The following KIAA0408 variants were observed in gnomAD, a reference collection of about 807,000 sequenced individuals.
The protein encoded by KIAA0408 is KIAA0408.
In KIAA0408, 51 loss-of-function variants were observed where a neutral mutation model predicts 60.9. The observed-to-expected ratio is 0.84, with a 90% CI of 0.67 to 1.06. KIAA0408 has a LOEUF of 1.06. KIAA0408 is among the 50% of genes least tolerant of loss of function. KIAA0408 has a pLI of 0.00. For synonymous variants in KIAA0408, 304 were observed against 282.4 expected, an observed-to-expected ratio of 1.08 and a Z score of -0.77; for missense variants, 787 against 833.9, an observed-to-expected ratio of 0.94 and a Z score of 0.69.
intron 1 of KIAA0408, among the ~76,000 whole-genome samples, chr6:127,457,192 C>T (rs1475011325): frequency 6.6e-6 from 1 of 152,066 alleles, no homozygotes; most frequent in Non-Finnish European, 1.5e-5. Flanking sequence ...TTATGTAAAA[C>T]TGCTTTTGTT....
In KIAA0408 at chr6:127,446,503, C is replaced by A; in HGVS notation, c.1816G>T (p.Glu606Ter). ...SGGATLSQHL[E>*]MLQMEQQFQQ... ...AACTGTTGTTCCATTTGGAGCATTTCTAAATGCTGACTTAATGTGGCACCA... is the reference window on the plus strand; with the variant it reads ...AACTGTTGTTCCATTTGGAGCATTTATAAATGCTGACTTAATGTGGCACCA... Residue 606 changes from glutamate (E) to a stop codon, truncating the protein, a stop_gained, in exon 5 of 6, where the codon GAA becomes TAA. Coordinates refer to ENST00000483725, the MANE Select transcript of KIAA0408 (RefSeq NM_014702.5). LOFTEE classifies it high-confidence loss of function. The A allele has an allele frequency of 4.3e-6, 7 of 1,614,128 alleles. No individual in the cohort carries two copies. The highest frequency in any genetic ancestry group is 5.9e-6 in the Non-Finnish European group (7 of 1,180,012).
rs1269914465 is a variant in KIAA0408, at chr6:127,447,030, T to C, written c.1289A>G (p.Glu430Gly). The C allele has an allele frequency of 1.9e-6, 3 of 1,613,470 alleles. No individual in the cohort carries two copies. The highest frequency in any genetic ancestry group is 1.7e-5 in the Admixed American group (1 of 59,938). ...CAGCTTCTCATTCCTTGTAGTCCTT[T>C]CAAAGCCACAACTGAAATTTCTAAG... Reference protein sequence around the residue: ...SPLRNFSCGFERTTRNEKLAA... With the variant: ...SPLRNFSCGFGRTTRNEKLAA... The change falls in exon 5 of 6, where the codon GAA becomes GGA. Residue 430 changes from glutamate to glycine, a missense_variant. Physicochemically the swap from Glu to Gly is moderately conservative, Grantham distance 98 (BLOSUM62 -2). Around this residue, in one of 3 missense-constraint regions of KIAA0408, gnomAD observed 640 missense variants for 681.3 expected, o/e 0.94. Transcript: ENST00000483725.
chr6:127,446,718 C>G lies in KIAA0408; in HGVS notation c.1601G>C (p.Arg534Pro), dbSNP rs779822528. 1.2e-6 allele frequency: 2 copies of G among 1,613,898 alleles called. No homozygotes were observed. The highest frequency in any genetic ancestry group is 2.2e-5 in the East Asian group (1 of 44,864). ...CCAGTCATGCTCGTGGAGCATATTT[C>G]GATAACTGCGAGGACTTAGGTGTCC... is the stretch of plus-strand genomic sequence containing the variant. ...MQGHLSPRSY[R>P]NMLHEHDWRP... Residue 534 changes from arginine to proline, a missense_variant, in exon 5 of 6, where the codon CGA becomes CCA. By Grantham distance (103) the Arg-to-Pro change is moderately radical. Coordinates refer to ENST00000483725, the MANE Select transcript of KIAA0408 (RefSeq NM_014702.5).
At chr6:127,458,823 A>T (rs1047861226) in intron 1 of KIAA0408, among the ~76,000 whole-genome samples, 12 of 152,234 alleles carry the variant, frequency 7.9e-5, no homozygotes, top group Non-Finnish European at 7.3e-5. Context: ...ATGAATAAAA[A>T]AAATCACATT....
In KIAA0408 at chr6:127,439,263, G is replaced by A. The variant is rs1773066910; in HGVS notation, c.*4846C>T. The A allele has an allele frequency of 6.6e-6, 1 of 152,264 alleles. No homozygotes were observed. Among genetic ancestry groups the A allele is most frequent in the African/African-American group, 2.4e-5 (1 of 41,460 alleles). 9.4% of individuals were successfully genotyped at this position (152,264 alleles called of 1,614,324 possible). On this transcript the variant is annotated 3_prime_UTR_variant, in exon 6 of 6. Transcript: ENST00000483725. ...GCAAACTGCTTTTATTTATTCTGGA[G>A]TATATGTAACTTATGAAGTGTGAAA... is the stretch of plus-strand genomic sequence containing the variant.
At position 127,446,943 on chromosome 6, in the gene KIAA0408, A is replaced by G. The variant is rs1773209262; in HGVS notation, c.1376T>C (p.Ile459Thr). Residue 459 changes from isoleucine (I) to threonine (T), a missense_variant, in exon 5 of 6, where the codon ATA becomes ACA. Coordinates refer to ENST00000483725, the MANE Select transcript of KIAA0408 (RefSeq NM_014702.5). Reference sequence around the variant, plus strand: ...TTTTGAGCAGCTGTGATTTTGCTGTATTGCCTGACAATTTCTATCTGTTCT... The same window carrying G: ...TTTTGAGCAGCTGTGATTTTGCTGTGTTGCCTGACAATTTCTATCTGTTCT... Reference protein sequence around the residue: ...VFRTDRNCQAIQQNHSCSKSS... With the variant: ...VFRTDRNCQATQQNHSCSKSS... 1 of 1,614,084 alleles carries G rather than the reference A, an allele frequency of 6.2e-7. No individual in the cohort carries two copies. The highest frequency in any genetic ancestry group is 1.3e-5 in the African/African-American group (1 of 75,026).
In KIAA0408 at chr6:127,447,205, TC is replaced by T. The variant is rs1773215275; in HGVS notation, c.1113del (p.Ser372AlafsTer22). On this transcript the variant is annotated frameshift_variant, in exon 5 of 6. Transcript: ENST00000483725. LOFTEE classifies it high-confidence loss of function. The stretch of plus-strand genomic sequence containing the variant: ...TTCTGAAACCACGAAGTAGAGGGGC[TC>T]CTTTTTGCACCTATCCCAATGTCAC... Reference protein sequence around the residue: ...WSCDIGIGAKRSPSTSWFQKT... With the variant: ...WSCDIGIGAKXSPSTSWFQKT... 1 of 1,612,096 alleles carries T rather than the reference TC, an allele frequency of 6.2e-7. No individual in the cohort carries two copies. The highest frequency in any genetic ancestry group is 1.3e-5 in the African/African-American group (1 of 74,798).
Position 127,459,187 on chromosome 6 carries a change from G to A in KIAA0408, c.-133C>T, listed in dbSNP as rs937777030. ...GAAAGAAACATACCTTTCACACTGG[G>A]GAGAAATCCTATGGATGCTCGACCA... is the stretch of plus-strand genomic sequence containing the variant. On this transcript the variant is annotated 5_prime_UTR_variant, in exon 1 of 6. Transcript: ENST00000483725. 2.0e-5 allele frequency: 3 copies of A among 152,174 alleles called. No homozygotes were observed. Among genetic ancestry groups the A allele is most frequent in the African/African-American group, 7.2e-5 (3 of 41,414 alleles). 9.4% of individuals were successfully genotyped at this position (152,174 alleles called of 1,614,324 possible).
At chr6:127,451,292 GT>G in intron 2 of KIAA0408, 1 of 455,750 alleles carries the variant, frequency 2.2e-6, no homozygotes, top group South Asian at 1.6e-5. Flanking sequence ...CGATAACTCA[GT>G]TGAGAGAAGC....
chr6:127,450,025 C>A lies in KIAA0408; in HGVS notation c.463G>T (p.Glu155Ter), dbSNP rs1429686195. ...GCGCCAGAACAGCTCTTGCTGTCTT[C>A]CTCAGAAGTCCTCAGGTCAGGCCAG... The part of the protein sequence containing the change: ...EAWPDLRTSE[E>*]DSKSCSGALS... Residue 155 changes from glutamate to a stop codon, truncating the protein, a stop_gained, in exon 3 of 6, where the codon GAA (glutamate) becomes TAA (stop). Transcript: ENST00000483725. LOFTEE classifies it high-confidence loss of function. 1.9e-6 allele frequency: 3 copies of A among 1,613,958 alleles called. No homozygotes were observed. The highest frequency in any genetic ancestry group is 1.7e-6 in the Non-Finnish European group (2 of 1,179,956).
In KIAA0408 at chr6:127,447,709, G is replaced by T. The variant is rs568305276; in HGVS notation, c.610C>A (p.Pro204Thr). Residue 204 changes from proline to threonine, a missense_variant, in exon 5 of 6, where the codon CCA (proline) becomes ACA (threonine). Pro to Thr is a conservative substitution (Grantham distance 38, BLOSUM62 -1). This residue lies in a region of KIAA0408 where 640 missense variants were observed against 681.3 expected (regional missense o/e 0.94). Transcript: ENST00000483725. ...MKSDSFLQEMPNVTNIPHGDP... is the reference protein window; with the variant it reads ...MKSDSFLQEMTNVTNIPHGDP... ...CCATGAGGTATATTAGTTACATTTG[G>T]CATTTCCTGGAGAAAAGAATCTGAC... 6.4e-7 allele frequency: 1 copy of T among 1,560,352 alleles called. No homozygotes were observed. Among genetic ancestry groups the T allele is most frequent in the Non-Finnish European group, 8.6e-7 (1 of 1,159,456 alleles).
rs1773123351 is a variant in KIAA0408 at position 127,442,574 on chromosome 6, A to T, written c.*1535T>A. ...AACTACCGAAACTGTCCTTACAGTA[A>T]AGTATGAATCTAGACATCACCATGC... On this transcript the variant is annotated 3_prime_UTR_variant, in exon 6 of 6. Transcript: ENST00000483725. The T allele has an allele frequency of 2.6e-5, 4 of 152,218 alleles. No homozygotes were observed. The East Asian group carries it at 7.7e-4, about 29-fold the overall frequency. The allele number at this position is 152,218 out of a possible 1,614,324, so 9.4% of individuals were successfully genotyped here.
At chr6:127,451,179 G>A in intron 2 of KIAA0408, 9 of 394,572 alleles carry the variant, frequency 2.3e-5, no homozygotes, top group South Asian at 1.7e-4. Flanking sequence ...ACTGTCAGAT[G>A]ACTATCAAAG....
rs762224628 is a variant in KIAA0408 at position 127,446,812 on chromosome 6, C to A, written c.1507G>T (p.Val503Leu). The change falls in exon 5 of 6, where the codon GTG (valine) becomes TTG (leucine). Residue 503 changes from valine to leucine, a missense_variant. Coordinates refer to ENST00000483725, the MANE Select transcript of KIAA0408 (RefSeq NM_014702.5). ...GIWKTNAHMP[V>L]PMENVPDNPT... is the part of the protein sequence containing the mutation. ...TTATCAGGCACATTTTCCATGGGCACAGGCATGTGGGCATTGGTTTTCCAA... is the reference window on the plus strand; with the variant it reads ...TTATCAGGCACATTTTCCATGGGCAAAGGCATGTGGGCATTGGTTTTCCAA... The A allele has an allele frequency of 6.2e-6, 10 of 1,613,868 alleles. No homozygotes were observed. The highest frequency in any genetic ancestry group is 7.6e-6 in the Non-Finnish European group (9 of 1,179,984).
rs1176704479 is a variant in KIAA0408, at chr6:127,442,939, A to G, written c.*1170T>C. On this transcript the variant is annotated 3_prime_UTR_variant, in exon 6 of 6. Coordinates refer to ENST00000483725, the MANE Select transcript of KIAA0408 (RefSeq NM_014702.5). The stretch of plus-strand genomic sequence containing the variant: ...ACTGTATGCAAACTGTAGCCAAAAT[A>G]CACATTTCTATTCCTGATGCTACTG... 1 of 152,194 alleles carries G rather than the reference A, an allele frequency of 6.6e-6. No homozygotes were observed. Among genetic ancestry groups the G allele is most frequent in the East Asian group, 1.9e-4 (1 of 5,200 alleles). 9.4% of individuals were successfully genotyped at this position (152,194 alleles called of 1,614,324 possible).
chr6:127,439,570 A>G lies in KIAA0408; in HGVS notation c.*4539T>C, dbSNP rs1316148435. On this transcript the variant is annotated 3_prime_UTR_variant, in exon 6 of 6. Coordinates refer to ENST00000483725, the MANE Select transcript of KIAA0408 (RefSeq NM_014702.5). ...GAGAGCAAGATAAACAATTTGTGTC[A>G]TGTATAAAATGAACAAAACAAAAAT... 6.6e-6 allele frequency: 1 copy of G among 152,094 alleles called. No individual in the cohort carries two copies. The highest frequency in any genetic ancestry group is 2.4e-5 in the African/African-American group (1 of 41,426). The allele number at this position is 152,094 out of a possible 1,614,324, so 9.4% of individuals were successfully genotyped here. A position where few individuals can be genotyped will look rare whatever the true frequency, so the allele number is the denominator to read the frequency against.
At chr6:127,449,029 A>G (rs34462866) in intron 4 of KIAA0408, among the ~76,000 whole-genome samples, 1,632 of 152,316 alleles carry the variant, frequency 0.011, 19 homozygotes, top group Non-Finnish European at 0.014. Flanking sequence ...TCTGAAAAGT[A>G]TGTAGGCCTC....
intron 2 of KIAA0408, chr6:127,450,897 T>A (rs1340179500): frequency 1.9e-5 from 3 of 157,216 alleles, no homozygotes; most frequent in Non-Finnish European, 4.2e-5. Flanking sequence ...GGCTAGATAT[T>A]ACTGAGATTT....
chr6:127,450,422 A>C, intron 2 of KIAA0408, 70 bp from the exon 3 acceptor site: 1 of 1,484,010 alleles, frequency 6.7e-7, no homozygotes, highest in Non-Finnish European at 8.9e-7. Context: ...TCTTGATACT[A>C]AGCAAACCGC....
Sources: allele counts gnomAD v4.1 joint callset (sites outside exome capture counted in the v4.1 genomes callset), GRCh38; gene constraint gnomAD v4.1.1; regional missense constraint gnomAD v4.1.1; transcripts MANE v1.5; gene names NCBI Gene and HGNC (gene_info 2026-07-23, HGNC 2026-07-21).